IMPACT: variants seen among roughly 807,000 people sequenced by gnomAD.
IMPACT encodes protein IMPACT.
In IMPACT, 35 loss-of-function variants were observed where a neutral mutation model predicts 47.5. The observed-to-expected ratio is 0.74, with a 90% CI of 0.56 to 0.98. IMPACT has a LOEUF of 0.98. IMPACT is among the 50% of genes least tolerant of loss of function. The pLI, the probability that IMPACT is intolerant of heterozygous loss-of-function variation, is 0.00. For missense variants in IMPACT, 373 were observed against 394.8 expected (o/e 0.94, Z 0.47); for synonymous variants, 118 against 125.6 (o/e 0.94, Z 0.40).
intron 9 of IMPACT, among the ~76,000 whole-genome samples, chr18:24,448,404 G>C (rs539022630): frequency 5.9e-5 from 9 of 152,304 alleles, no homozygotes; most frequent in Admixed American, 5.9e-4. Context: ...ATGCTTTCAA[G>C]ACATAGACAA....
At chr18:24,427,801 C>T (rs1908651154) in intron 1 of IMPACT, 118 bp from the exon 2 acceptor site, 6 of 941,960 alleles carry the variant, frequency 6.4e-6, no homozygotes, top group East Asian at 2.9e-5. Context: ...TGGTGAGGCT[C>T]ATCTAGGAAT....
chr18:24,426,702 GC>G lies in IMPACT; in HGVS notation c.-50del. The G allele has an allele frequency of 4.9e-6, 6 of 1,218,868 alleles. No individual in the cohort carries two copies. The highest frequency in any genetic ancestry group is 3.9e-5 in the South Asian group (1 of 25,618). 75.5% of individuals were successfully genotyped at this position (1,218,868 alleles called of 1,614,324 possible). ...TCTCGGCTCGCAGCCGCAGCGCCCC[GC>G]CCCCGCGCTCCGGACCTGGCAGGCG... On this transcript the variant is annotated 5_prime_UTR_variant, in exon 1 of 11. Transcript: ENST00000284202.
At chr18:24,431,819 A>C (rs1335249777) in intron 4 of IMPACT, among the ~76,000 whole-genome samples, 4 of 152,056 alleles carry the variant, frequency 2.6e-5, no homozygotes, top group African/African-American at 9.7e-5. Flanking sequence ...CTCCAGCCTC[A>C]GCCTCCTGAG....
Position 24,451,625 on chromosome 18 carries a change from TAACAACC to T in IMPACT, c.*779_*785del, listed in dbSNP as rs1278606762. On this transcript the variant is annotated 3_prime_UTR_variant, in exon 11 of 11. Transcript: ENST00000284202. ...GTTGGTGTAACATTCTCGTTTCTTT[TAACAACC>T]TGGAAGTACCTTTCTTGTGATCTTC... The T allele has an allele frequency of 2.0e-5, 3 of 152,244 alleles. No individual in the cohort carries two copies. The highest frequency in any genetic ancestry group is 2.0e-4 in the Admixed American group (3 of 15,292). 9.4% of individuals were successfully genotyped at this position (152,244 alleles called of 1,614,324 possible).
intron 10 of IMPACT, 46 bp downstream of exon 10, chr18:24,449,999 C>G (rs766664589): frequency 6.3e-7 from 1 of 1,591,430 alleles, no homozygotes; most frequent in South Asian, 1.1e-5. Flanking sequence ...TCATCACTGC[C>G]TGGGAATTTT....
At chr18:24,441,255 C>T (rs542058337) in intron 6 of IMPACT, among the ~76,000 whole-genome samples, 1 of 152,252 alleles carries the variant, frequency 6.6e-6, no homozygotes, top group East Asian at 1.9e-4. Flanking sequence ...AGTGCAGTGG[C>T]ACGATCTCAG....
chr18:24,450,134 G>A (rs538061101), intron 10 of IMPACT, among the ~76,000 whole-genome samples, 181 bp downstream of exon 10: 43 of 152,254 alleles, frequency 2.8e-4, no homozygotes, highest in African/African-American at 8.4e-4. Context: ...ACTTTGGACC[G>A]ATCACTTAAT....
intron 1 of IMPACT, chr18:24,427,433 C>G (rs1266593958): frequency 2.0e-5 from 3 of 153,652 alleles, no homozygotes; most frequent in African/African-American, 7.2e-5. Flanking sequence ...ACCACCCACC[C>G]ATCTAGTCCT....
At chr18:24,432,122 G>A (rs1450560287) in intron 4 of IMPACT, among the ~76,000 whole-genome samples, 2 of 152,188 alleles carry the variant, frequency 1.3e-5, no homozygotes, top group African/African-American at 4.8e-5. Context: ...AAGGTGCAGA[G>A]ATACAGGTTT....
intron 4 of IMPACT, among the ~76,000 whole-genome samples, chr18:24,432,977 C>T (rs1348245572): frequency 1.3e-5 from 2 of 152,090 alleles, no homozygotes; most frequent in Admixed American, 1.3e-4. Context: ...CTAAAAGATA[C>T]CTTCCCACAG....
At chr18:24,449,778 T>C (rs1334007571) in intron 9 of IMPACT, 41 bp from the exon 10 acceptor site, 1 of 1,545,462 alleles carries the variant, frequency 6.5e-7, no homozygotes, top group Non-Finnish European at 8.9e-7. Flanking sequence ...TATTTATACA[T>C]GTCTGTCTAT....
At chr18:24,442,278 C>T (rs368280426) in intron 6 of IMPACT, among the ~76,000 whole-genome samples, 3 of 151,748 alleles carry the variant, frequency 2.0e-5, no homozygotes, top group East Asian at 1.9e-4. Flanking sequence ...CTCAGCCTCC[C>T]GAGTAGCTGG....
intron 4 of IMPACT, among the ~76,000 whole-genome samples, chr18:24,436,278 T>C (rs1908938848): frequency 6.6e-6 from 1 of 152,210 alleles, no homozygotes; most frequent in African/African-American, 2.4e-5. Context: ...GAAGTCTTGC[T>C]GTGTCGCCCA....
intron 6 of IMPACT, among the ~76,000 whole-genome samples, chr18:24,442,373 C>A (rs1213194019): frequency 6.6e-6 from 1 of 152,128 alleles, no homozygotes; most frequent in African/African-American, 2.4e-5. Context: ...AGGCTGGTCT[C>A]AAACTCCTGA....
In IMPACT at chr18:24,428,089, T is replaced by C. The variant is rs764061320; in HGVS notation, c.165+42T>C. 9.3e-6 allele frequency: 14 copies of C among 1,511,916 alleles called. No individual in the cohort carries two copies. In the South Asian group the frequency reaches 1.7e-4, roughly 18 times the overall value. The allele number at this position is 1,511,916 out of a possible 1,614,324, so 93.7% of individuals were successfully genotyped here. ...CCTTGCAGCCATCTTTCAGTTACAG[T>C]ATGAACTATATTGTTGACTTCTGTA... On this transcript the variant is annotated intron_variant, in intron 2 of 10. Coordinates refer to ENST00000284202, the MANE Select transcript of IMPACT (RefSeq NM_018439.4).
rs1012110858 is a variant in IMPACT, at chr18:24,445,434, A to G, written c.636A>G (p.Ile212Met). 1.2e-6 allele frequency: 2 copies of G among 1,606,270 alleles called. No individual in the cohort carries two copies. Among genetic ancestry groups the G allele is most frequent in the African/African-American group, 2.7e-5 (2 of 74,714 alleles). Residue 212 changes from isoleucine (I) to methionine (M), a missense_variant, in exon 8 of 11, where the codon ATA becomes ATG. Physicochemically the swap from Ile to Met is conservative, Grantham distance 10. Coordinates refer to ENST00000284202, the MANE Select transcript of IMPACT (RefSeq NM_018439.4). Reference sequence around the variant, plus strand: ...CCAAATTGTATGAGAATAAGAAAATAGCTAGTGCCACCCACAACATCTATG... The same window carrying G: ...CCAAATTGTATGAGAATAAGAAAATGGCTAGTGCCACCCACAACATCTATG... The part of the protein sequence containing the change: ...VLSKLYENKK[I>M]ASATHNIYAY...
intron 4 of IMPACT, among the ~76,000 whole-genome samples, chr18:24,432,155 T>C (rs919568382): frequency 2.0e-5 from 3 of 152,240 alleles, no homozygotes; most frequent in Non-Finnish European, 4.4e-5. Flanking sequence ...CTGGCCATGA[T>C]AATATTTTCA....
intron 6 of IMPACT, among the ~76,000 whole-genome samples, chr18:24,441,454 T>C (rs1909110325): frequency 6.6e-6 from 1 of 152,236 alleles, no homozygotes; most frequent in South Asian, 2.1e-4. Context: ...GCTGGGATTA[T>C]TATAGGCGTG....
intron 6 of IMPACT, among the ~76,000 whole-genome samples, chr18:24,442,720 T>G (rs1394136743): frequency 6.6e-6 from 1 of 152,154 alleles, no homozygotes; most frequent in African/African-American, 2.4e-5. Context: ...TCCTTTACAC[T>G]CTTAAAAATT....
Sources: gnomAD v4.1 joint callset for allele counts (sites outside exome capture counted in the v4.1 genomes callset) on GRCh38, gnomAD v4.1.1 for gene constraint, MANE v1.5 for transcripts, NCBI Gene and HGNC (gene_info 2026-07-23, HGNC 2026-07-21) for gene names.